Variants in LRP4 observed in about 807,000 individuals in gnomAD.
The protein encoded by LRP4 is low-density lipoprotein receptor-related protein 4.
LRP4 carries 95 observed loss-of-function variants against 220.3 expected under a neutral mutation model. That is an observed-to-expected ratio of 0.43 (90% CI 0.37 to 0.51). LRP4 has a LOEUF of 0.51. Among genes scored for constraint, LRP4 ranks in the 20% least tolerant of loss-of-function variants. The probability of loss-of-function intolerance (pLI) is 0.00; values close to 1 mark genes in which losing one functional copy is unlikely to be tolerated. For missense variants in LRP4, 1,925 were observed against 2,567.0 expected (o/e 0.75, Z 5.40); for synonymous variants, 903 against 954.6 (o/e 0.95, Z 1.00).
chr11:46,858,931 A>G lies in LRP4; in HGVS notation c.*52T>C. The stretch of plus-strand genomic sequence containing the variant: ...TGCGGTGTAAGCGAGCACAAGGACT[A>G]GACGTCCATAAAGGAGAAGGAACAG... On this transcript the variant is annotated 3_prime_UTR_variant, in exon 38 of 38. Coordinates refer to ENST00000378623, the MANE Select transcript of LRP4 (RefSeq NM_002334.4). 12 of 1,520,366 alleles carry G rather than the reference A, an allele frequency of 7.9e-6. No individual in the cohort carries two copies. The highest frequency in any genetic ancestry group is 1.0e-5 in the Non-Finnish European group (11 of 1,096,114). 94.2% of individuals were successfully genotyped at this position (1,520,366 alleles called of 1,614,324 possible). A position where few individuals can be genotyped will look rare whatever the true frequency, so the allele number is the denominator to read the frequency against.
In LRP4 at chr11:46,862,693, G is replaced by T; in HGVS notation, c.5298C>A (p.Asn1766Lys). 6.2e-7 allele frequency: 1 copy of T among 1,613,894 alleles called. No individual in the cohort carries two copies. Among genetic ancestry groups the T allele is most frequent in the South Asian group, 1.1e-5 (1 of 91,072 alleles). ...DPGMGNLTYS[N>K]PSYRTSTQEV... is the part of the protein sequence containing the mutation. ...CCTGTGTGGATGTTCGGTAGGAGGG[G>T]TTGCTGTAGGTGAGGTTCCCCATTC... is the stretch of plus-strand genomic sequence containing the variant. The change falls in exon 37 of 38, where the codon AAC becomes AAA. Residue 1766 changes from asparagine to lysine, a missense_variant. Transcript: ENST00000378623.
At chr11:46,906,899 AGGGC>A (rs1486052721) in intron 1 of LRP4, among the ~76,000 whole-genome samples, 1 of 152,098 alleles carries the variant, frequency 6.6e-6, no homozygotes, top group Non-Finnish European at 1.5e-5. Context: ...GCTGCAGTGA[AGGGC>A]GGGCAGCCAC....
At chr11:46,904,486 TGGATGGATGGATGGACGGACAGAC>T (rs1345906279) in intron 1 of LRP4, among the ~76,000 whole-genome samples, 9 of 141,166 alleles carry the variant, frequency 6.4e-5, no homozygotes, top group Admixed American at 3.6e-4. Context: ...AATGCATGGA[TGGATGGATGGATGGACGGACAGAC>T]GGATGGATGG....
chr11:46,871,695 C>A (rs981590645), intron 30 of LRP4, 62 bp from the exon 31 acceptor site: 2 of 1,120,182 alleles, frequency 1.8e-6, no homozygotes, highest in South Asian at 1.3e-5. Flanking sequence ...AGCTCTTCCC[C>A]CTATGAACCT....
Position 46,858,422 on chromosome 11 carries a change from A to G in LRP4, c.*561T>C, listed in dbSNP as rs3829940. ...GACACCCAGATCCAACTACCCCCCAAAGCTTTTTCATGTTACTAACACACT... is the reference window on the plus strand; with the variant it reads ...GACACCCAGATCCAACTACCCCCCAGAGCTTTTTCATGTTACTAACACACT... On this transcript the variant is annotated 3_prime_UTR_variant, in exon 38 of 38. Transcript: ENST00000378623. 0.65 allele frequency: 114,855 copies of G among 176,728 alleles called. 39,332 individuals carry two copies. The highest frequency in any genetic ancestry group is 0.77 in the Non-Finnish European group (62,032 of 80,964). The allele number at this position is 176,728 out of a possible 1,614,324, so 10.9% of individuals were successfully genotyped here.
intron 33 of LRP4, 60 bp downstream of exon 33, chr11:46,868,540 C>T: frequency 8.3e-7 from 1 of 1,209,018 alleles, no homozygotes; most frequent in Non-Finnish European, 1.2e-6. Context: ...TCAGAGGCTG[C>T]TGACTCTCAG....
intron 12 of LRP4, 97 bp from the exon 13 acceptor site, chr11:46,893,226 G>C: frequency 7.8e-7 from 1 of 1,279,062 alleles, no homozygotes; most frequent in East Asian, 2.4e-5. Context: ...CAATTTTTTG[G>C]GCCAGGCACT....
chr11:46,875,306 G>T lies in LRP4; in HGVS notation c.3925+150C>A. 1.1e-6 allele frequency: 1 copy of T among 894,338 alleles called. No individual in the cohort carries two copies. The highest frequency in any genetic ancestry group is 1.8e-6 in the Non-Finnish European group (1 of 564,416). 55.4% of individuals were successfully genotyped at this position (894,338 alleles called of 1,614,324 possible). A position where few individuals can be genotyped will look rare whatever the true frequency, so the allele number is the denominator to read the frequency against. ...AGCTGTAGTACCAGCCATACCCAGA[G>T]AGAACACAGCCCAATCTGGAAGGGA... On this transcript the variant is annotated intron_variant, in intron 27 of 37. Coordinates refer to ENST00000378623, the MANE Select transcript of LRP4 (RefSeq NM_002334.4). This position sits in a 1 kb window ranked among gnomAD's most constrained non-coding sequence, Gnocchi z 4.5.
At position 46,859,287 on chromosome 11, in the gene LRP4, T is replaced by C; in HGVS notation, c.5414A>G (p.Glu1805Gly). Residue 1805 changes from glutamate to glycine, a missense_variant, in exon 38 of 38, where the codon GAG (glutamate) becomes GGG (glycine). By Grantham distance (98) the Glu-to-Gly change is moderately conservative. This residue lies in a region of LRP4 where 1,244 missense variants were observed against 1,624.9 expected (regional missense o/e 0.77). Transcript: ENST00000378623. ...GATTCCCTCTACGATCTTGATCTTC[T>C]CCTTGGTGTAGTTATGGTCAGGCCC... ...EGGPDHNYTK[E>G]KIKIVEGICL... 6.2e-7 allele frequency: 1 copy of C among 1,614,116 alleles called. No individual in the cohort carries two copies. Among genetic ancestry groups the C allele is most frequent in the Non-Finnish European group, 8.5e-7 (1 of 1,180,012 alleles).
chr11:46,894,821 T>A lies in LRP4; in HGVS notation c.1310-2A>T. On this transcript the variant is annotated splice_acceptor_variant, in intron 11 of 37. Coordinates refer to ENST00000378623, the MANE Select transcript of LRP4 (RefSeq NM_002334.4). LOFTEE classifies it high-confidence loss of function. ...CGAACAGCAGCACAGGCTCTGGCCC[T>A]GGGAAACAGTATAAACATGGGATAC... is the stretch of plus-strand genomic sequence containing the variant. 6.2e-7 allele frequency: 1 copy of A among 1,613,488 alleles called. No homozygotes were observed. Among genetic ancestry groups the A allele is most frequent in the Non-Finnish European group, 8.5e-7 (1 of 1,179,400 alleles).
intron 19 of LRP4, among the ~76,000 whole-genome samples, chr11:46,883,492 G>A (rs938630288): frequency 6.6e-6 from 1 of 152,118 alleles, no homozygotes; most frequent in Non-Finnish European, 1.5e-5. Context: ...TCTTTAATTC[G>A]GCCCACCCCT....
chr11:46,891,448 C>T (rs1592537655), intron 13 of LRP4, among the ~76,000 whole-genome samples: 1 of 149,958 alleles, frequency 6.7e-6, no homozygotes, highest in African/African-American at 2.5e-5. Flanking sequence ...CACACACACA[C>T]ACACACACAC....
At position 46,886,353 on chromosome 11, in the gene LRP4, C is replaced by T. The variant is rs1941292375; in HGVS notation, c.2396G>A (p.Arg799Lys). Residue 799 changes from arginine (R) to lysine (K), a missense_variant, in exon 17 of 38, where the codon AGG (arginine) becomes AAG (lysine). Physicochemically the swap from Arg to Lys is conservative, Grantham distance 26 (BLOSUM62 2). This residue lies in a region of LRP4 where 1,244 missense variants were observed against 1,624.9 expected (regional missense o/e 0.77). Coordinates refer to ENST00000378623, the MANE Select transcript of LRP4 (RefSeq NM_002334.4). ...CTGTCCTGTTCCATCCCACTTGGCC[C>T]TGCTGATGGTATCAGTGCTGACATC... Reference protein sequence around the residue: ...WTDVSTDTISRAKWDGTGQEV... With the variant: ...WTDVSTDTISKAKWDGTGQEV... 2 of 1,593,282 alleles carry T rather than the reference C, an allele frequency of 1.3e-6. No homozygotes were observed. Among genetic ancestry groups the T allele is most frequent in the Middle Eastern group, 1.7e-4 (1 of 6,044 alleles).
At chr11:46,911,735 C>T (rs530809658) in intron 1 of LRP4, among the ~76,000 whole-genome samples, 1 of 152,050 alleles carries the variant, frequency 6.6e-6, no homozygotes, top group African/African-American at 2.4e-5. Context: ...TAGACCTTCC[C>T]AACCTAGATC....
intron 1 of LRP4, among the ~76,000 whole-genome samples, chr11:46,910,760 A>G (rs374889064): frequency 1.5e-4 from 20 of 133,120 alleles, no homozygotes; most frequent in African/African-American, 5.5e-4. Flanking sequence ...TGCAACTTCC[A>G]TCTCCCGGGT....
At chr11:46,868,883 A>C in intron 32 of LRP4, 105 bp downstream of exon 32, 1 of 1,510,594 alleles carries the variant, frequency 6.6e-7, no homozygotes, top group Non-Finnish European at 9.2e-7. Context: ...ATGTGAACCA[A>C]GAAGCTCTCT....
rs1023291119 is a variant in LRP4, at chr11:46,873,477, C to T, written c.4346G>A (p.Arg1449Gln). The T allele has an allele frequency of 8.1e-6, 13 of 1,614,078 alleles. No homozygotes were observed. Among genetic ancestry groups the T allele is most frequent in the African/African-American group, 2.7e-5 (2 of 74,910 alleles). The change falls in exon 29 of 38, where the codon CGA becomes CAA. Residue 1449 changes from arginine to glutamine, a missense_variant. Physicochemically the swap from Arg to Gln is conservative, Grantham distance 43. This residue lies in a region of LRP4 where 1,244 missense variants were observed against 1,624.9 expected (regional missense o/e 0.77). Transcript: ENST00000378623. The surrounding 1 kb of genome is among the most constrained non-coding windows in gnomAD (Gnocchi z 4.2). ...CAGCCTGGACGCCTCAATGGTATTT[C>T]GACCTGTGTCTGTCCAGTACAGGTT... ...ARNLYWTDTG[R>Q]NTIEASRLDG... is the part of the protein sequence containing the mutation.
rs747313271 is a variant in LRP4, at chr11:46,900,340, T to C, written c.238A>G (p.Asn80Asp). Residue 80 changes from asparagine (N) to aspartate (D), a missense_variant, in exon 3 of 38, where the codon AAT becomes GAT. By Grantham distance (23) the Asn-to-Asp change is conservative (BLOSUM62 1). Transcript: ENST00000378623. ...TCSPLDFHCD[N>D]GKCIRRSWVC... is the part of the protein sequence containing the mutation. ...CAGGAGCGGCGGATGCACTTGCCAT[T>C]GTCACAGTGAAAGTCAAGAGGGGAA... 3 of 1,614,072 alleles carry C rather than the reference T, an allele frequency of 1.9e-6. No homozygotes were observed. In the South Asian group the frequency reaches 3.3e-5, roughly 18 times the overall value.
intron 37 of LRP4, chr11:46,860,840 C>T: frequency 3.1e-6 from 1 of 323,982 alleles, no homozygotes; most frequent in Non-Finnish European, 4.4e-6. Context: ...AATTAAGAGA[C>T]ACGCTGGGTA....
Sources: allele counts gnomAD v4.1 joint callset (sites outside exome capture counted in the v4.1 genomes callset), GRCh38; gene constraint gnomAD v4.1.1; regional missense constraint gnomAD v4.1.1; non-coding constraint Gnocchi (gnomAD v3.1); transcripts MANE v1.5; gene names NCBI Gene and HGNC (gene_info 2026-07-23, HGNC 2026-07-21).